CPEB3: variants seen among roughly 807,000 people sequenced by gnomAD.
CPEB3 encodes the protein cytoplasmic polyadenylation element-binding protein 3.
Under a neutral mutation model 67.2 loss-of-function variants are expected in CPEB3, and 20 were observed. The observed-to-expected ratio is 0.30, with a 90% CI of 0.21 to 0.43. CPEB3 has a LOEUF of 0.43. Among genes scored for constraint, CPEB3 ranks in the 20% least tolerant of loss-of-function variants. CPEB3 has a pLI of 1.00. For synonymous variants in CPEB3, 376 were observed against 393.1 expected, an observed-to-expected ratio of 0.96 and a Z score of 0.51; for missense variants, 746 against 968.6, an observed-to-expected ratio of 0.77 and a Z score of 3.05.
At chr10:92,090,814 G>A (rs1014635009) in intron 8 of CPEB3, among the ~76,000 whole-genome samples, 5 of 152,046 alleles carry the variant, frequency 3.3e-5, no homozygotes, top group Admixed American at 6.6e-5. Context: ...TTTATTCTCC[G>A]ACTGCAGATA....
chr10:92,182,687 G>A (rs184293037), intron 3 of CPEB3, among the ~76,000 whole-genome samples: 1 of 152,164 alleles, frequency 6.6e-6, no homozygotes, highest in East Asian at 1.9e-4. Flanking sequence ...TTAGCTGGGT[G>A]TGGTGGTGGA....
chr10:92,124,278 T>C (rs1213373895), intron 6 of CPEB3, among the ~76,000 whole-genome samples: 1 of 152,228 alleles, frequency 6.6e-6, no homozygotes, highest in Non-Finnish European at 1.5e-5. Context: ...TCCTAATGAC[T>C]TCTTTCTGTA....
At chr10:92,257,728 C>CT (rs11418720) in intron 1 of CPEB3, among the ~76,000 whole-genome samples, 42,417 of 130,696 alleles carry the variant, frequency 0.32, 7,941 homozygotes, top group African/African-American at 0.45. Flanking sequence ...GACCTCAACT[C>CT]TTTTTTTTTT....
chr10:92,088,225 ATTTT>A (rs374452327), intron 8 of CPEB3, among the ~76,000 whole-genome samples: 1 of 126,322 alleles, frequency 7.9e-6, no homozygotes. Flanking sequence ...TTCCAACCTA[ATTTT>A]TTTTTTTTTT....
At chr10:92,199,554 C>T (rs1034282555) in intron 2 of CPEB3, among the ~76,000 whole-genome samples, 2 of 151,464 alleles carry the variant, frequency 1.3e-5, no homozygotes, top group African/African-American at 2.4e-5. Flanking sequence ...TGTGGTGGCA[C>T]GCGCCTGTAG....
At chr10:92,282,325 G>A (rs1415947657) in intron 1 of CPEB3, among the ~76,000 whole-genome samples, 1 of 152,162 alleles carries the variant, frequency 6.6e-6, no homozygotes, top group Non-Finnish European at 1.5e-5. Flanking sequence ...AATGAAGATA[G>A]GTTTCAAACA....
intron 7 of CPEB3, among the ~76,000 whole-genome samples, chr10:92,097,807 C>A (rs2133358431): frequency 6.6e-6 from 1 of 152,202 alleles, no homozygotes; most frequent in African/African-American, 2.4e-5. Flanking sequence ...ATTATCTTCT[C>A]CTTCTTGGAG....
intron 4 of CPEB3, among the ~76,000 whole-genome samples, chr10:92,159,663 C>T (rs903132999): frequency 6.6e-6 from 1 of 152,038 alleles, no homozygotes; most frequent in Non-Finnish European, 1.5e-5. Context: ...CAGAGCGAGA[C>T]TCCGTCTCAA....
chr10:92,109,140 C>A lies in CPEB3; in HGVS notation c.1572+1936G>T, dbSNP rs556727229. On this transcript the variant is annotated intron_variant, in intron 7 of 9. Transcript: ENST00000265997. ...TCTAATCCTCTCCTACAGTGTGTGA[C>A]CTTAAACCTTCCCAGCTCACTCCAG... Among the ~76,000 whole-genome samples, 5 of 152,308 alleles carry A rather than the reference C, an allele frequency of 3.3e-5. No individual in the cohort carries two copies. The East Asian group carries it at 9.6e-4, about 29-fold the overall frequency.
rs542887631 is a variant in CPEB3 at position 92,272,184 on chromosome 10, T to C, written c.-12+18742A>G. On this transcript the variant is annotated intron_variant, in intron 1 of 9. Coordinates refer to ENST00000265997, the MANE Select transcript of CPEB3 (RefSeq NM_014912.5). ...AAGTGTGATAGTGAGGGGGCAGAAA[T>C]AGTAGAACAATGAGATTGATCTGTA... 7.2e-5 allele frequency: 11 copies of C among 152,258 alleles called. No individual in the cohort carries two copies. The East Asian group carries it at 2.1e-3, about 29-fold the overall frequency. 9.4% of individuals were successfully genotyped at this position (152,258 alleles called of 1,614,324 possible). A position where few individuals can be genotyped will look rare whatever the true frequency, so the allele number is the denominator to read the frequency against.
At chr10:92,053,665 C>T (rs1037600022) in intron 9 of CPEB3, among the ~76,000 whole-genome samples, 1 of 151,936 alleles carries the variant, frequency 6.6e-6, no homozygotes, top group Non-Finnish European at 1.5e-5. Context: ...CCTTAGCCTC[C>T]TGAGTAGCTG....
At chr10:92,088,040 G>A (rs992422547) in intron 8 of CPEB3, among the ~76,000 whole-genome samples, 2 of 152,072 alleles carry the variant, frequency 1.3e-5, no homozygotes, top group Non-Finnish European at 1.5e-5. Flanking sequence ...GCAAACCATC[G>A]TTGGCTTGCT....
At chr10:92,159,832 C>T (rs1847382654) in intron 4 of CPEB3, among the ~76,000 whole-genome samples, 1 of 152,206 alleles carries the variant, frequency 6.6e-6, no homozygotes, top group South Asian at 2.1e-4. Context: ...CCTCACTCCA[C>T]ACCTTTAACT....
chr10:92,088,433 C>T (rs1337536291), intron 8 of CPEB3, among the ~76,000 whole-genome samples: 3 of 151,724 alleles, frequency 2.0e-5, no homozygotes, highest in Admixed American at 6.6e-5. Context: ...CACCATGTTG[C>T]CCAGGCTGGT....
At position 92,222,579 on chromosome 10, in the gene CPEB3, A is replaced by T. The variant is rs117757078; in HGVS notation, c.1005+16767T>A. On this transcript the variant is annotated intron_variant, in intron 2 of 9. Transcript: ENST00000265997. ...AATTTTAAGAGATGTCTATGTTTTA[A>T]AATCTTAAAACTTTGCATTGGGTGC... Among the ~76,000 whole-genome samples the T allele has an allele frequency of 9.0e-3, 1,365 of 152,286 alleles. 11 individuals are homozygous for T. Among genetic ancestry groups the T allele is most frequent in the Non-Finnish European group, 0.013 (895 of 68,004 alleles).
intron 6 of CPEB3, among the ~76,000 whole-genome samples, chr10:92,112,090 G>T (rs1378466064): frequency 1.4e-5 from 2 of 147,326 alleles, no homozygotes; most frequent in Non-Finnish European, 3.0e-5. Flanking sequence ...CATATCCATG[G>T]TTTATGAGAA....
At chr10:92,100,914 T>A (rs1844155659) in intron 7 of CPEB3, among the ~76,000 whole-genome samples, 1 of 152,170 alleles carries the variant, frequency 6.6e-6, no homozygotes, top group Non-Finnish European at 1.5e-5. Context: ...AACACAAACC[T>A]CAAGACTTCA....
rs1848356170 is a variant in CPEB3, at chr10:92,179,152, A to T, written c.1222+1811T>A. Among the ~76,000 whole-genome samples, 2 of 152,154 alleles carry T rather than the reference A, an allele frequency of 1.3e-5. 1 individual carries two copies. Among genetic ancestry groups the T allele is most frequent in the Admixed American group, 1.3e-4 (2 of 15,272 alleles). On this transcript the variant is annotated intron_variant, in intron 4 of 9. Transcript: ENST00000265997. ...TATCTTCATGCTGAAAACAATCATT[A>T]AGATTACCTAATCACCCCCCTTCTC...
intron 7 of CPEB3, among the ~76,000 whole-genome samples, chr10:92,094,297 T>C (rs1019195990): frequency 2.0e-5 from 3 of 152,038 alleles, no homozygotes; most frequent in Non-Finnish European, 2.9e-5. Context: ...TCCACCTTTA[T>C]TGCATGAAAA....
Sources: allele counts gnomAD v4.1 joint callset (sites outside exome capture counted in the v4.1 genomes callset), GRCh38; gene constraint gnomAD v4.1.1; transcripts MANE v1.5; gene names NCBI Gene and HGNC (gene_info 2026-07-23, HGNC 2026-07-21).